The following HDGFL3 variants were observed in gnomAD, a reference collection of about 807,000 sequenced individuals.
HDGFL3 encodes the protein hepatoma-derived growth factor-related protein 3.
HDGFL3 carries 6 observed loss-of-function variants against 27.6 expected under a neutral mutation model. The observed-to-expected ratio is 0.22, with a 90% CI of 0.12 to 0.43. The LOEUF is 0.43. Among genes scored for constraint, HDGFL3 ranks in the 20% least tolerant of loss-of-function variants. The probability of loss-of-function intolerance (pLI) is 1.00; values close to 1 mark genes in which losing one functional copy is unlikely to be tolerated. For missense variants in HDGFL3, 207 were observed against 250.1 expected (o/e 0.83, Z 1.16); for synonymous variants, 88 against 88.9 (o/e 0.99, Z 0.05).
chr15:83,204,249 TTTATA>T (rs1050846728), intron 1 of HDGFL3, among the ~76,000 whole-genome samples: 7 of 151,876 alleles, frequency 4.6e-5, no homozygotes, highest in East Asian at 3.9e-4. Flanking sequence ...GAGAGCTATA[TTTATA>T]TTATACCAAT....
At chr15:83,144,304 T>C (rs1483040473) in intron 5 of HDGFL3, among the ~76,000 whole-genome samples, 4 of 152,224 alleles carry the variant, frequency 2.6e-5, no homozygotes, top group African/African-American at 9.6e-5. Context: ...GGTAGCCTTC[T>C]GATATAGTCT....
At chr15:83,193,634 G>A (rs558786462) in intron 1 of HDGFL3, among the ~76,000 whole-genome samples, 45 of 152,264 alleles carry the variant, frequency 3.0e-4, no homozygotes, top group East Asian at 2.5e-3. Flanking sequence ...GCAACTCTCC[G>A]TAGGACACAC....
In HDGFL3 at chr15:83,128,110, A is replaced by G. The variant is rs969430067; in HGVS notation, c.*11160T>C. 1.3e-5 allele frequency: 2 copies of G among 152,210 alleles called. No individual in the cohort carries two copies. Among genetic ancestry groups the G allele is most frequent in the African/African-American group, 4.8e-5 (2 of 41,448 alleles). 9.4% of individuals were successfully genotyped at this position (152,210 alleles called of 1,614,324 possible). On this transcript the variant is annotated 3_prime_UTR_variant, in exon 6 of 6. Coordinates refer to ENST00000299633, the MANE Select transcript of HDGFL3 (RefSeq NM_016073.4). ...ATCTTCTGAACAAGGAAGAAAATTA[A>G]TTTTTCTTACTAGAAATAAAACAAA...
chr15:83,148,234 T>C (rs1261704814), intron 5 of HDGFL3, among the ~76,000 whole-genome samples: 1 of 152,210 alleles, frequency 6.6e-6, no homozygotes, highest in Non-Finnish European at 1.5e-5. Flanking sequence ...CGGCTCAGTA[T>C]TTTCAGTTCT....
chr15:83,168,274 C>T (rs183733052), intron 1 of HDGFL3, among the ~76,000 whole-genome samples: 2 of 151,198 alleles, frequency 1.3e-5, no homozygotes, highest in African/African-American at 4.9e-5. Flanking sequence ...CAAACTAACC[C>T]CAAAGCTGAA....
At chr15:83,124,918 C>G, downstream of HDGFL3, 1 of 707,132 alleles carries the variant, frequency 1.4e-6, no homozygotes, top group Admixed American at 2.7e-5. Context: ...AAGCCTGGAG[C>G]CCTGGACCTG....
intron 1 of HDGFL3, among the ~76,000 whole-genome samples, chr15:83,170,876 CAA>C (rs34510031): frequency 9.0e-5 from 7 of 77,700 alleles, no homozygotes; most frequent in Admixed American, 2.3e-4. Flanking sequence ...ATTCAACAAG[CAA>C]AAAAAAAAAA....
chr15:83,199,620 A>ACT, intron 1 of HDGFL3, among the ~76,000 whole-genome samples: 1 of 152,174 alleles, frequency 6.6e-6, no homozygotes, highest in South Asian at 2.1e-4. Flanking sequence ...AGACTTAGAG[A>ACT]ATCTATTCAG....
At chr15:83,188,824 A>C (rs2151419250) in intron 1 of HDGFL3, among the ~76,000 whole-genome samples, 1 of 152,134 alleles carries the variant, frequency 6.6e-6, no homozygotes, top group South Asian at 2.1e-4. Context: ...TTCTATCTTC[A>C]AACTCCAGAC....
At position 83,134,214 on chromosome 15, in the gene HDGFL3, G is replaced by C. The variant is rs535761910; in HGVS notation, c.*5056C>G. 1 of 151,774 alleles carries C rather than the reference G, an allele frequency of 6.6e-6. No individual in the cohort carries two copies. Among genetic ancestry groups the C allele is most frequent in the Non-Finnish European group, 1.5e-5 (1 of 67,944 alleles). 9.4% of individuals were successfully genotyped at this position (151,774 alleles called of 1,614,324 possible). A position where few individuals can be genotyped will look rare whatever the true frequency, so the allele number is the denominator to read the frequency against. ...CCAGTGGGCTTACAATCTAATCTAA[G>C]GACATGAATCTTTTTTTTTTTTTAA... is the stretch of plus-strand genomic sequence containing the variant. On this transcript the variant is annotated 3_prime_UTR_variant, in exon 6 of 6. Transcript: ENST00000299633.
At chr15:83,175,704 C>T (rs2037300763) in intron 1 of HDGFL3, among the ~76,000 whole-genome samples, 1 of 151,958 alleles carries the variant, frequency 6.6e-6, no homozygotes, top group Admixed American at 6.6e-5. Flanking sequence ...CTAAAAAATA[C>T]AAAAAATTAG....
intron 2 of HDGFL3, among the ~76,000 whole-genome samples, chr15:83,162,455 T>C (rs895482842): frequency 6.6e-6 from 1 of 151,902 alleles, no homozygotes; most frequent in African/African-American, 2.4e-5. Context: ...ATCAAACCAA[T>C]GGTACAAAAA....
chr15:83,113,246 CT>C, exon 4 of HDGFL3: 1 of 374,232 alleles, frequency 2.7e-6, no homozygotes, highest in South Asian at 2.7e-5. Flanking sequence ...GTCCCCCCCA[CT>C]TAGTGCAGAA....
chr15:83,117,719 T>TA (rs201090249), intron 3 of HDGFL3, among the ~76,000 whole-genome samples: 1,818 of 151,982 alleles, frequency 0.012, 12 homozygotes, highest in Non-Finnish European at 0.018. Context: ...CCAGCTGTGA[T>TA]AGAGAGGAGA....
At chr15:83,170,995 G>A (rs2037239867) in intron 1 of HDGFL3, among the ~76,000 whole-genome samples, 1 of 151,734 alleles carries the variant, frequency 6.6e-6, no homozygotes, top group Admixed American at 6.6e-5. Flanking sequence ...AATCATCAGA[G>A]AAATGCAAAT....
At chr15:83,119,300 G>A (rs2034997079) in intron 3 of HDGFL3, among the ~76,000 whole-genome samples, 1 of 152,228 alleles carries the variant, frequency 6.6e-6, no homozygotes, top group Admixed American at 6.5e-5. Context: ...TGCCTATCAT[G>A]CCATCTGCCT....
At chr15:83,120,877 T>C (rs914885402) in intron 3 of HDGFL3, among the ~76,000 whole-genome samples, 1 of 151,432 alleles carries the variant, frequency 6.6e-6, no homozygotes, top group Non-Finnish European at 1.5e-5. Context: ...CAGCTCATTC[T>C]TATCTGTTCT....
intron 5 of HDGFL3, among the ~76,000 whole-genome samples, chr15:83,146,099 C>A (rs1330229386): frequency 6.6e-6 from 1 of 151,586 alleles, no homozygotes; most frequent in African/African-American, 2.4e-5. Flanking sequence ...TTAGTAGAGA[C>A]AGGTTTCACC....
chr15:83,147,120 T>A (rs2036906482), intron 5 of HDGFL3, among the ~76,000 whole-genome samples: 1 of 152,008 alleles, frequency 6.6e-6, no homozygotes, highest in African/African-American at 2.4e-5. Flanking sequence ...TGGAGTGCAG[T>A]GATGTAATCT....
Sources: allele counts gnomAD v4.1 joint callset (sites outside exome capture counted in the v4.1 genomes callset), GRCh38; gene constraint gnomAD v4.1.1; transcripts MANE v1.5; gene names NCBI Gene and HGNC (gene_info 2026-07-23, HGNC 2026-07-21).